The following UMAD1 variants were observed in gnomAD, a reference collection of about 807,000 sequenced individuals.
UMAD1 encodes UBAP1-MVB12-associated (UMA) domain containing 1, also known as UBAP1-MVB12-associated (UMA)-domain containing protein 1.
In UMAD1, 8 loss-of-function variants were observed where a neutral mutation model predicts 6.1. That is an observed-to-expected ratio of 1.30 (90% confidence interval 0.76 to 2.35). The LOEUF is 2.35. Among genes scored for constraint, UMAD1 ranks in the 30% most tolerant of loss-of-function variants. The pLI is 0.00. For missense variants in UMAD1, 130 were observed against 78.4 expected (o/e 1.66, Z -2.49); for synonymous variants, 56 against 31.4 (o/e 1.78, Z -2.61).
chr7:7,782,144 C>G (rs1398489937), intron 2 of UMAD1, among the ~76,000 whole-genome samples: 1 of 151,888 alleles, frequency 6.6e-6, no homozygotes, highest in Non-Finnish European at 1.5e-5. Context: ...TTTTTATTAT[C>G]TGTTCTCTAT....
chr7:7,757,412 A>G (rs564767159), intron 2 of UMAD1, among the ~76,000 whole-genome samples: 1 of 152,324 alleles, frequency 6.6e-6, no homozygotes, highest in African/African-American at 2.4e-5. Context: ...TTAAACCTTG[A>G]CAACCATGTG....
intron 3 of UMAD1, among the ~76,000 whole-genome samples, chr7:7,851,666 T>C (rs1377192666): frequency 6.6e-6 from 1 of 152,192 alleles, no homozygotes; most frequent in African/African-American, 2.4e-5. Flanking sequence ...AATATGCTTA[T>C]TGGGCTTTTG....
At chr7:7,710,739 G>T (rs1388738759) in intron 2 of UMAD1, among the ~76,000 whole-genome samples, 1 of 152,156 alleles carries the variant, frequency 6.6e-6, no homozygotes, top group East Asian at 1.9e-4. Context: ...GCATAAAACT[G>T]AGTATTTATA....
chr7:7,643,876 G>A (rs1443989472), intron 1 of UMAD1, among the ~76,000 whole-genome samples: 1 of 151,922 alleles, frequency 6.6e-6, no homozygotes, highest in Non-Finnish European at 1.5e-5. Context: ...TCCTGCTCTG[G>A]AACTTGCCTG....
intron 2 of UMAD1, among the ~76,000 whole-genome samples, chr7:7,686,990 T>A (rs955550092): frequency 2.6e-5 from 4 of 152,214 alleles, no homozygotes; most frequent in Non-Finnish European, 4.4e-5. Context: ...GTTGTAAGGA[T>A]AGCTGAAGAG....
chr7:7,713,600 CTTAA>C (rs535703479), intron 2 of UMAD1, among the ~76,000 whole-genome samples: 59 of 151,522 alleles, frequency 3.9e-4, no homozygotes, highest in African/African-American at 1.4e-3. Flanking sequence ...TTGCTCTTAC[CTTAA>C]TTATTTCCTT....
At chr7:7,747,914 A>T (rs1781603716) in intron 2 of UMAD1, among the ~76,000 whole-genome samples, 1 of 152,222 alleles carries the variant, frequency 6.6e-6, no homozygotes, top group Admixed American at 6.5e-5. Context: ...GAGCCAAAAA[A>T]GTAGGAAAAC....
At chr7:7,756,076 C>CAGAA (rs1781769743) in intron 2 of UMAD1, among the ~76,000 whole-genome samples, 1 of 152,218 alleles carries the variant, frequency 6.6e-6, no homozygotes, top group South Asian at 2.1e-4. Flanking sequence ...GAGACTTAAT[C>CAGAA]AGAAAGAAAG....
chr7:7,648,295 G>T (rs553924870), intron 1 of UMAD1, among the ~76,000 whole-genome samples: 5 of 151,810 alleles, frequency 3.3e-5, no homozygotes, highest in African/African-American at 1.2e-4. Flanking sequence ...AGTTTTCTCC[G>T]CTTAAGTTTT....
At chr7:7,856,724 T>C (rs1346507873) in intron 3 of UMAD1, among the ~76,000 whole-genome samples, 1 of 152,248 alleles carries the variant, frequency 6.6e-6, no homozygotes, top group Non-Finnish European at 1.5e-5. Context: ...ATTACATTAA[T>C]TGAGCTTCCC....
intron 1 of UMAD1, among the ~76,000 whole-genome samples, chr7:7,652,246 G>T (rs7783714): frequency 0.73 from 111,672 of 152,096 alleles, 41,293 homozygotes; most frequent in East Asian, 0.97. Context: ...CCTTTGATAG[G>T]ATTTCCGAGT....
intron 3 of UMAD1, among the ~76,000 whole-genome samples, chr7:7,816,584 T>A (rs1030651931): frequency 3.9e-4 from 60 of 152,306 alleles, no homozygotes; most frequent in South Asian, 3.5e-3. Flanking sequence ...ACAAAGAGAA[T>A]GTGGCAAAGC....
At chr7:7,647,581 C>T (rs1486979467) in intron 1 of UMAD1, among the ~76,000 whole-genome samples, 2 of 152,100 alleles carry the variant, frequency 1.3e-5, no homozygotes, top group African/African-American at 2.4e-5. Flanking sequence ...TCAAATTTCT[C>T]CTTGAAGCCC....
chr7:7,677,998 A>G (rs1405287733), intron 2 of UMAD1, among the ~76,000 whole-genome samples: 3 of 152,104 alleles, frequency 2.0e-5, no homozygotes, highest in African/African-American at 4.8e-5. Flanking sequence ...TGATGGAGAC[A>G]CTTAGGTTGA....
chr7:7,844,474 C>T (rs1407975178), intron 3 of UMAD1, among the ~76,000 whole-genome samples: 1 of 152,038 alleles, frequency 6.6e-6, no homozygotes, highest in Non-Finnish European at 1.5e-5. Flanking sequence ...CTTAAAGGAG[C>T]CCAGGTGCAT....
chr7:7,860,604 C>CAAAAAAAAAAAAAAAAA (rs373823869), intron 3 of UMAD1, among the ~76,000 whole-genome samples: 8 of 93,834 alleles, frequency 8.5e-5, no homozygotes, highest in Non-Finnish European at 1.5e-4. Flanking sequence ...ACTAAAAATA[C>CAAAAAAAAAAAAAAAAA]AAAAAAAAAA....
At chr7:7,855,670 A>G (rs922211347) in intron 3 of UMAD1, among the ~76,000 whole-genome samples, 1 of 152,210 alleles carries the variant, frequency 6.6e-6, no homozygotes, top group Non-Finnish European at 1.5e-5. Context: ...GCTCTCTGAC[A>G]TGCCCTGAAG....
intron 3 of UMAD1, among the ~76,000 whole-genome samples, chr7:7,862,921 T>C (rs1049281877): frequency 3.3e-5 from 5 of 152,124 alleles, no homozygotes; most frequent in African/African-American, 1.2e-4. Flanking sequence ...CTTAGACTCA[T>C]AAAGAAAATT....
intron 3 of UMAD1, among the ~76,000 whole-genome samples, chr7:7,825,723 C>T (rs1168646478): frequency 1.3e-5 from 2 of 152,068 alleles, no homozygotes; most frequent in Non-Finnish European, 2.9e-5. Context: ...AACAAATATG[C>T]ACTTTACAGT....
Sources: gnomAD v4.1 joint callset for allele counts (sites outside exome capture counted in the v4.1 genomes callset) on GRCh38, gnomAD v4.1.1 for gene constraint, MANE v1.5 for transcripts, NCBI Gene and HGNC (gene_info 2026-07-23, HGNC 2026-07-21) for gene names.